CAND2: variants seen among roughly 807,000 people sequenced by gnomAD.
CAND2 encodes cullin-associated NEDD8-dissociated protein 2.
In CAND2, 62 loss-of-function variants were observed where a neutral mutation model predicts 98.9. The ratio of observed to expected loss-of-function variants is 0.63; its 90% confidence interval spans 0.51 to 0.77. The LOEUF (loss-of-function observed/expected upper bound fraction) is 0.77. Ranked by LOEUF, CAND2 falls within the 30% of genes least tolerant of loss-of-function variation. The pLI is 0.00. For synonymous variants in CAND2, 770 were observed against 731.9 expected (o/e 1.05, Z -0.84); for missense variants, 1,501 against 1,655.2 (o/e 0.91, Z 1.62).
Position 12,810,161 on chromosome 3 carries a change from G to C in CAND2, c.594G>C (p.Ala198=). Residue 198 remains alanine (A), a synonymous_variant, in exon 5 of 15, where the codon GCG becomes GCC. Transcript: ENST00000456430. ...RLAVRKRAVG[A]LGHLAAACST... Reference sequence around the variant, plus strand: ...CGGTGCGCAAGCGGGCGGTCGGAGCGCTTGGCCACCTGGCGGCCGCCTGCA... The same window carrying C: ...CGGTGCGCAAGCGGGCGGTCGGAGCCCTTGGCCACCTGGCGGCCGCCTGCA... 5.9e-6 allele frequency: 9 copies of C among 1,528,496 alleles called. No homozygotes were observed. Among genetic ancestry groups the C allele is most frequent in the Non-Finnish European group, 7.0e-6 (8 of 1,143,684 alleles). 94.7% of individuals were successfully genotyped at this position (1,528,496 alleles called of 1,614,324 possible). A position where few individuals can be genotyped will look rare whatever the true frequency, so the allele number is the denominator to read the frequency against.
rs764806338 is a variant in CAND2, at chr3:12,796,713, C to T, written c.-8C>T. 2.5e-6 allele frequency: 4 copies of T among 1,572,892 alleles called. No individual in the cohort carries two copies. The Admixed American group carries it at 7.3e-5, about 29-fold the overall frequency. On this transcript the variant is annotated 5_prime_UTR_variant, in exon 1 of 15. Transcript: ENST00000456430. ...TCCCGCCGGCCGGCTCCGCGGCGCG[C>T]AGCCACCATGAGCACCGCCGCCTTC...
chr3:12,827,551 T>G lies in CAND2; in HGVS notation c.3322T>G (p.Cys1108Gly), dbSNP rs764791875. The G allele has an allele frequency of 1.9e-6, 3 of 1,613,928 alleles. No individual in the cohort carries two copies. The highest frequency in any genetic ancestry group is 2.2e-5 in the East Asian group (1 of 44,884). ...LESCLGQLDI[C>G]EFLNHVEDGL... Reference sequence around the variant, plus strand: ...GAGCTGCCTGGGCCAGCTGGATATCTGTGAGTTCCTGAACCATGTGGAGGA... The same window carrying G: ...GAGCTGCCTGGGCCAGCTGGATATCGGTGAGTTCCTGAACCATGTGGAGGA... The change falls in exon 13 of 15, where the codon TGT (cysteine) becomes GGT (glycine). Residue 1108 changes from cysteine to glycine, a missense_variant. Cys to Gly is a radical substitution (Grantham distance 159). Around this residue, in one of 3 missense-constraint regions of CAND2, gnomAD observed 1,427 missense variants for 1,545.3 expected, o/e 0.92. Coordinates refer to ENST00000456430, the MANE Select transcript of CAND2 (RefSeq NM_001162499.2).
chr3:12,803,584 G>C lies in CAND2; in HGVS notation c.165G>C (p.Arg55=). 1 of 1,613,276 alleles carries C rather than the reference G, an allele frequency of 6.2e-7. No homozygotes were observed. Among genetic ancestry groups the C allele is most frequent in the Non-Finnish European group, 8.5e-7 (1 of 1,179,642 alleles). ...SERKVVKMLL[R]LLEDKNGEVQ... Reference sequence around the variant, plus strand: ...GCAAGGTGGTGAAGATGCTGCTCCGGCTCCTGGAGGACAAGAACGGTGAGG... The same window carrying C: ...GCAAGGTGGTGAAGATGCTGCTCCGCCTCCTGGAGGACAAGAACGGTGAGG... Residue 55 remains arginine (R), a synonymous_variant, in exon 2 of 15, where the codon CGG becomes CGC. Transcript: ENST00000456430.
intron 7 of CAND2, among the ~76,000 whole-genome samples, chr3:12,814,006 A>G (rs2061876198): frequency 6.6e-6 from 1 of 152,236 alleles, no homozygotes; most frequent in Admixed American, 6.5e-5. Flanking sequence ...GGTACTTGGA[A>G]CAAGATGGGA....
chr3:12,801,650 T>G (rs1408821141), intron 1 of CAND2, among the ~76,000 whole-genome samples: 1 of 152,166 alleles, frequency 6.6e-6, no homozygotes, highest in Non-Finnish European at 1.5e-5. Context: ...AGCCCTTGCC[T>G]CTGGTGCCCA....
At position 12,830,928 on chromosome 3, in the gene CAND2, TTG is replaced by T. The variant is rs200121543; in HGVS notation, c.3376-534_3376-533del. The stretch of plus-strand genomic sequence containing the variant: ...AGTCTTTATGGTGTGCAAGGCTTCT[TTG>T]TGAGGACTTGACTATTTTCAAAAGA... On this transcript the variant is annotated intron_variant, in intron 13 of 14. Coordinates refer to ENST00000456430, the MANE Select transcript of CAND2 (RefSeq NM_001162499.2). Among the ~76,000 whole-genome samples the T allele has an allele frequency of 5.8e-4, 89 of 152,268 alleles. 2 individuals carry two copies. In the East Asian group the frequency reaches 0.015, roughly 26 times the overall value.
chr3:12,812,011 A>G (rs2061855267), intron 5 of CAND2, among the ~76,000 whole-genome samples: 1 of 151,470 alleles, frequency 6.6e-6, no homozygotes, highest in African/African-American at 2.4e-5. Flanking sequence ...TCCCAGGTTC[A>G]AGCAATTCTG....
Position 12,820,084 on chromosome 3 carries a change from A to G in CAND2, c.2945-2A>G, listed in dbSNP as rs1408104458. On this transcript the variant is annotated splice_acceptor_variant, in intron 10 of 14. Coordinates refer to ENST00000456430, the MANE Select transcript of CAND2 (RefSeq NM_001162499.2). LOFTEE classifies it high-confidence loss of function. ...ACTAACTCACCTCTTCTTGTCCTGC[A>G]GGTCGGCCACACACCCGGAGCACCG... The G allele has an allele frequency of 1.2e-6, 2 of 1,613,692 alleles. No individual in the cohort carries two copies. The highest frequency in any genetic ancestry group is 4.5e-5 in the East Asian group (2 of 44,878).
chr3:12,803,210 T>C (rs942127163), intron 1 of CAND2, among the ~76,000 whole-genome samples: 4 of 152,118 alleles, frequency 2.6e-5, no homozygotes, highest in African/African-American at 9.7e-5. Flanking sequence ...GCCAGGATGG[T>C]CTTGATCTCC....
At chr3:12,797,062 A>C (rs1407077849) in intron 1 of CAND2, among the ~76,000 whole-genome samples, 14 of 131,162 alleles carry the variant, frequency 1.1e-4, no homozygotes, top group East Asian at 6.8e-4. Context: ...CCTACCTCTC[A>C]CCCCCGATCA....
At chr3:12,809,456 C>T (rs1013095124) in intron 4 of CAND2, among the ~76,000 whole-genome samples, 3 of 152,114 alleles carry the variant, frequency 2.0e-5, no homozygotes, top group Admixed American at 6.5e-5. Context: ...GTAAGGTCAG[C>T]GTGTTTCTGT....
chr3:12,808,861 A>G (rs1360115962), intron 4 of CAND2, among the ~76,000 whole-genome samples: 1 of 152,148 alleles, frequency 6.6e-6, no homozygotes, highest in Non-Finnish European at 1.5e-5. Context: ...AGACAGGGGA[A>G]GACTTGGGGT....
rs1015185608 is a variant in CAND2 at position 12,827,276 on chromosome 3, G to A, written c.3211-164G>A. ...TTATTGCCACTGTTATCACTTGGGG[G>A]AAATGACACTGCAGGCTGAGCAAAG... On this transcript the variant is annotated intron_variant, in intron 12 of 14. Transcript: ENST00000456430. Among the ~76,000 whole-genome samples the A allele has an allele frequency of 2.6e-4, 40 of 152,306 alleles. 1 individual carries two copies. The highest frequency in any genetic ancestry group is 3.4e-3 in the Middle Eastern group (1 of 294).
At chr3:12,826,772 A>G (rs901557797) in intron 12 of CAND2, among the ~76,000 whole-genome samples, 3 of 150,844 alleles carry the variant, frequency 2.0e-5, no homozygotes, top group African/African-American at 7.3e-5. Context: ...CAGCTCAGTT[A>G]ATTAACCTGC....
chr3:12,806,628 G>C (rs142396941), intron 2 of CAND2, among the ~76,000 whole-genome samples: 2 of 152,198 alleles, frequency 1.3e-5, no homozygotes, highest in Admixed American at 1.3e-4. Context: ...TGCCCAGGTA[G>C]GCATTTTTTA....
Position 12,817,787 on chromosome 3 carries a change from C to G in CAND2, c.2855C>G (p.Thr952Ser), listed in dbSNP as rs746315040. The G allele has an allele frequency of 1.3e-6, 2 of 1,533,232 alleles. No individual in the cohort carries two copies. The highest frequency in any genetic ancestry group is 1.8e-6 in the Non-Finnish European group (2 of 1,141,414). The allele number at this position is 1,533,232 out of a possible 1,614,324, so 95.0% of individuals were successfully genotyped here. ...FQRCEGAEEGTRGVVAECIGK... is the reference protein window; with the variant it reads ...FQRCEGAEEGSRGVVAECIGK... ...CGCTGCGAGGGTGCTGAGGAGGGCA[C>G]CCGGGGGGTGGTGGCCGAGTGCATT... The change falls in exon 10 of 15, where the codon ACC becomes AGC. Residue 952 changes from threonine (T) to serine (S), a missense_variant. Around this residue, in one of 3 missense-constraint regions of CAND2, gnomAD observed 1,427 missense variants for 1,545.3 expected, o/e 0.92. Transcript: ENST00000456430.
rs1322358607 is a variant in CAND2 at position 12,815,779 on chromosome 3, G to A, written c.1300-88G>A. The A allele has an allele frequency of 7.8e-6, 10 of 1,276,420 alleles. No individual in the cohort carries two copies. Among genetic ancestry groups the A allele is most frequent in the Non-Finnish European group, 1.0e-5 (9 of 900,922 alleles). 79.1% of individuals were successfully genotyped at this position (1,276,420 alleles called of 1,614,324 possible). On this transcript the variant is annotated intron_variant, in intron 8 of 14. Coordinates refer to ENST00000456430, the MANE Select transcript of CAND2 (RefSeq NM_001162499.2). This position sits in a 1 kb window ranked among gnomAD's most constrained non-coding sequence, Gnocchi z 5.7. ...TCTTGATGCCGACATCCTCCCTGGG[G>A]ATGTGTCTGGCAAAGCCTCCTGGTA...
chr3:12,817,470 G>A lies in CAND2; in HGVS notation c.2538G>A (p.Ser846=), dbSNP rs780816356. Reference sequence around the variant, plus strand: ...GGGTCAAGGTCCTGGCATTCTTGTCGCTGGCTGAGGTGGGTCAGGTGGCTG... The same window carrying A: ...GGGTCAAGGTCCTGGCATTCTTGTCACTGGCTGAGGTGGGTCAGGTGGCTG... ...STGVKVLAFL[S]LAEVGQVAGP... is the part of the protein sequence containing the mutation. The change falls in exon 10 of 15, where the codon TCG becomes TCA. Residue 846 remains serine (S), a synonymous_variant. Coordinates refer to ENST00000456430, the MANE Select transcript of CAND2 (RefSeq NM_001162499.2). The A allele has an allele frequency of 2.5e-5, 41 of 1,613,454 alleles. No individual in the cohort carries two copies. The South Asian group carries it at 3.2e-4, about 13-fold the overall frequency.
In CAND2 at chr3:12,815,394, C is replaced by T; in HGVS notation, c.1260C>T (p.Pro420=). The T allele has an allele frequency of 6.2e-7, 1 of 1,613,576 alleles. No individual in the cohort carries two copies. The highest frequency in any genetic ancestry group is 8.5e-7 in the Non-Finnish European group (1 of 1,179,872). The change falls in exon 8 of 15, where the codon CCC becomes CCT. Residue 420 remains proline (P), a synonymous_variant. Transcript: ENST00000456430. This position sits in a 1 kb window ranked among gnomAD's most constrained non-coding sequence, Gnocchi z 5.7. The part of the protein sequence containing the change: ...PKGWLEAMEE[P]TQTGSNLHML... ...GATGGCTGGAGGCCATGGAGGAACC[C>T]ACCCAGACCGGCAGCAACCTCCATA... is the stretch of plus-strand genomic sequence containing the variant.
Sources: gnomAD v4.1 joint callset for allele counts (sites outside exome capture counted in the v4.1 genomes callset) on GRCh38, gnomAD v4.1.1 for gene constraint, gnomAD v4.1.1 regional missense constraint, Gnocchi (gnomAD v3.1) non-coding constraint, MANE v1.5 for transcripts, NCBI Gene and HGNC (gene_info 2026-07-23, HGNC 2026-07-21) for gene names.